The following CDH18 variants were observed in gnomAD, a reference collection of about 807,000 sequenced individuals.
CDH18 encodes the protein cadherin-18.
In CDH18, 31 loss-of-function variants were observed where a neutral mutation model predicts 67.9. The observed-to-expected ratio is 0.46, with a 90% confidence interval of 0.34 to 0.62. The LOEUF (loss-of-function observed/expected upper bound fraction) is 0.62, where lower values mean the gene tolerates loss of function less well. Among genes scored for constraint, CDH18 ranks in the 20% least tolerant of loss-of-function variants. The pLI, the probability that CDH18 is intolerant of heterozygous loss-of-function variation, is 0.01. For synonymous variants in CDH18, 362 were observed against 347.2 expected (o/e 1.04, Z -0.48); for missense variants, 890 against 975.5 (o/e 0.91, Z 1.17).
intron 1 of CDH18, among the ~76,000 whole-genome samples, chr5:20,533,304 C>T (rs1391098339): frequency 1.3e-5 from 2 of 152,036 alleles, no homozygotes; most frequent in African/African-American, 4.8e-5. Flanking sequence ...AAAGACAGTA[C>T]ATTTCTATTG....
At chr5:19,962,378 C>CAAAAAAAAAAAAGAAAAAAAA (rs1797000609) in intron 2 of CDH18, among the ~76,000 whole-genome samples, 2 of 51,594 alleles carry the variant, frequency 3.9e-5, no homozygotes, top group African/African-American at 8.4e-5. Flanking sequence ...CGTCAAAAAG[C>CAAAAAAAAAAAAGAAAAAAAA]AAAAAAAAAA....
chr5:19,989,569 T>G (rs1239963102), upstream of CDH18, among the ~76,000 whole-genome samples: 1 of 152,214 alleles, frequency 6.6e-6, no homozygotes, highest in Non-Finnish European at 1.5e-5. Flanking sequence ...TTGTACAAAC[T>G]TATGATAAAC....
At chr5:20,343,551 CT>C (rs1368966241) in intron 1 of CDH18, among the ~76,000 whole-genome samples, 3 of 152,092 alleles carry the variant, frequency 2.0e-5, no homozygotes, top group Admixed American at 1.3e-4. Flanking sequence ...ACTGGATTCT[CT>C]TTACAGATGG....
intron 3 of CDH18, among the ~76,000 whole-genome samples, chr5:19,767,658 T>C (rs1773263138): frequency 6.6e-6 from 1 of 151,898 alleles, no homozygotes; most frequent in South Asian, 2.1e-4. Flanking sequence ...ACAATTAAAA[T>C]AAAAACAATA....
chr5:19,495,713 G>A (rs1288038224), intron 11 of CDH18, among the ~76,000 whole-genome samples: 3 of 70,944 alleles, frequency 4.2e-5, no homozygotes, highest in Non-Finnish European at 7.8e-5. Context: ...GAGTGAAACT[G>A]TCTCAAAAAA....
At chr5:20,499,215 A>G (rs1240980248) in intron 1 of CDH18, among the ~76,000 whole-genome samples, 2 of 152,112 alleles carry the variant, frequency 1.3e-5, no homozygotes, top group African/African-American at 4.8e-5. Context: ...GCTCAAGTCC[A>G]TGATATAAAA....
intron 3 of CDH18, among the ~76,000 whole-genome samples, chr5:19,796,075 G>C (rs1776823237): frequency 6.6e-6 from 1 of 151,822 alleles, no homozygotes; most frequent in South Asian, 2.1e-4. Flanking sequence ...AGGGACACAA[G>C]GGACAATAAA....
intron 2 of CDH18, among the ~76,000 whole-genome samples, chr5:20,168,607 T>G (rs1163769607): frequency 6.6e-6 from 1 of 152,088 alleles, no homozygotes; most frequent in Non-Finnish European, 1.5e-5. Context: ...TAAAATAGAC[T>G]ATATAAAAAT....
intron 3 of CDH18, among the ~76,000 whole-genome samples, chr5:19,801,841 T>C (rs866226621): frequency 6.6e-6 from 1 of 152,110 alleles, no homozygotes; most frequent in Non-Finnish European, 1.5e-5. Context: ...TTATTGACAG[T>C]TCCCCCCCAA....
intron 5 of CDH18, among the ~76,000 whole-genome samples, chr5:19,654,060 G>A (rs1202239135): frequency 1.3e-5 from 2 of 152,072 alleles, no homozygotes; most frequent in African/African-American, 2.4e-5. Flanking sequence ...CTCATCACAG[G>A]GAAGTACAAC....
At chr5:19,965,561 A>C (rs995962085) in intron 2 of CDH18, among the ~76,000 whole-genome samples, 4 of 152,210 alleles carry the variant, frequency 2.6e-5, no homozygotes, top group Admixed American at 1.3e-4. Flanking sequence ...ATGTTAGCAA[A>C]ATATCTATTA....
chr5:20,359,263 G>C (rs1319235709), intron 1 of CDH18, among the ~76,000 whole-genome samples: 1 of 151,982 alleles, frequency 6.6e-6, no homozygotes, highest in African/African-American at 2.4e-5. Context: ...CATTTACAAT[G>C]TCTAATATCT....
At chr5:19,735,875 A>G (rs1336052397) in intron 4 of CDH18, among the ~76,000 whole-genome samples, 2 of 152,216 alleles carry the variant, frequency 1.3e-5, no homozygotes, top group Non-Finnish European at 2.9e-5. Flanking sequence ...TACATACACT[A>G]AACAAAACAC....
At chr5:20,023,538 A>G (rs1738614189) in intron 2 of CDH18, among the ~76,000 whole-genome samples, 2 of 151,310 alleles carry the variant, frequency 1.3e-5, no homozygotes, top group South Asian at 4.2e-4. Context: ...GGGCACCTGT[A>G]CTCCCAGCTA....
At chr5:19,886,431 A>G (rs1788209713) in intron 2 of CDH18, among the ~76,000 whole-genome samples, 3 of 152,184 alleles carry the variant, frequency 2.0e-5, no homozygotes, top group Non-Finnish European at 4.4e-5. Flanking sequence ...AACAGAGACA[A>G]GAGGCAATTA....
rs138459724 is a variant in CDH18 at position 19,498,213 on chromosome 5, G to A, written c.1630+4779C>T. On this transcript the variant is annotated intron_variant, in intron 11 of 12. Transcript: ENST00000382275. ...TTAATACTATACATCAAATAAATAC[G>A]TCTTTTCAACCTAAGGAAGACACTG... Among the ~76,000 whole-genome samples, 413 of 152,190 alleles carry A rather than the reference G, an allele frequency of 2.7e-3. 1 individual carries two copies. The highest frequency in any genetic ancestry group is 9.5e-3 in the African/African-American group (393 of 41,526).
chr5:20,184,549 A>C (rs1737945862), intron 2 of CDH18, among the ~76,000 whole-genome samples: 1 of 152,236 alleles, frequency 6.6e-6, no homozygotes, highest in East Asian at 1.9e-4. Flanking sequence ...GAAAATGACT[A>C]TAAGGTTATG....
chr5:20,150,935 T>A (rs1278933508), intron 2 of CDH18, among the ~76,000 whole-genome samples: 1 of 152,106 alleles, frequency 6.6e-6, no homozygotes, highest in East Asian at 1.9e-4. Flanking sequence ...TTCCTATATT[T>A]CTATGTTTTA....
chr5:19,678,985 G>A lies in CDH18; in HGVS notation c.643+42362C>T, dbSNP rs151029995. Among the ~76,000 whole-genome samples, 788 of 151,896 alleles carry A rather than the reference G, an allele frequency of 5.2e-3. 1 individual carries two copies. Among genetic ancestry groups the A allele is most frequent in the Non-Finnish European group, 7.9e-3 (535 of 67,858 alleles). On this transcript the variant is annotated intron_variant, in intron 5 of 12. Transcript: ENST00000382275. ...AATTCTGATATCAAAACCAGACAGA[G>A]ACACAATGGAAAAAGAAAACATGAG...
Sources: gnomAD v4.1 joint callset for allele counts (sites outside exome capture counted in the v4.1 genomes callset) on GRCh38, gnomAD v4.1.1 for gene constraint, MANE v1.5 for transcripts, NCBI Gene and HGNC (gene_info 2026-07-23, HGNC 2026-07-21) for gene names.